RBFOX2: variants seen among roughly 807,000 people sequenced by gnomAD.
RBFOX2 encodes the protein RNA binding protein fox-1 homolog 2.
A neutral mutation model predicts 49.1 loss-of-function variants in RBFOX2; 10 were observed. The observed-to-expected ratio is 0.20, with a 90% CI of 0.13 to 0.35. The LOEUF (loss-of-function observed/expected upper bound fraction) is 0.35. RBFOX2 is among the 10% of genes least tolerant of loss of function. The pLI, the probability that RBFOX2 is intolerant of heterozygous loss-of-function variation, is 1.00. For synonymous variants in RBFOX2, 183 were observed against 187.4 expected, an observed-to-expected ratio of 0.98 and a Z score of 0.19; for missense variants, 323 against 486.9, an observed-to-expected ratio of 0.66 and a Z score of 3.17.
intron 1 of RBFOX2, among the ~76,000 whole-genome samples, chr22:35,819,275 G>A (rs1953907981): frequency 6.6e-6 from 1 of 152,014 alleles, no homozygotes; most frequent in African/African-American, 2.4e-5. Flanking sequence ...CTCTGCCAGG[G>A]ACCTTACCAC....
chr22:35,808,294 T>C (rs190276249), intron 2 of RBFOX2, among the ~76,000 whole-genome samples: 1 of 152,298 alleles, frequency 6.6e-6, no homozygotes, highest in Admixed American at 6.5e-5. Flanking sequence ...AAATTATCTA[T>C]TGTAGCCAAT....
rs2146286636 is a variant in RBFOX2, at chr22:35,759,658, T to C, written c.887+230A>G. Among the ~76,000 whole-genome samples the C allele has an allele frequency of 6.6e-6, 1 of 152,338 alleles. No homozygotes were observed. The highest frequency in any genetic ancestry group is 1.9e-4 in the East Asian group (1 of 5,192). On this transcript the variant is annotated intron_variant, in intron 9 of 11. Transcript: ENST00000405409. This position sits in a 1 kb window ranked among gnomAD's most constrained non-coding sequence, Gnocchi z 4.6. ...TGGCTACTGTCTTAAGCCATTACCA[T>C]GAGGGCTTAAGGTGGCCAAAATGAA...
At chr22:35,954,053 G>C (rs895813102) in intron 1 of RBFOX2, among the ~76,000 whole-genome samples, 1 of 151,956 alleles carries the variant, frequency 6.6e-6, no homozygotes, top group Non-Finnish European at 1.5e-5. Flanking sequence ...TCATATTCAG[G>C]CATATATAAC....
intron 1 of RBFOX2, among the ~76,000 whole-genome samples, chr22:35,928,010 C>T (rs138574729): frequency 5.9e-5 from 9 of 152,152 alleles, no homozygotes; most frequent in Non-Finnish European, 2.9e-5. Flanking sequence ...GCCTCTTTTC[C>T]ATAAAATAAA....
chr22:35,765,415 T>C lies in RBFOX2; in HGVS notation c.607+8A>G, dbSNP rs1294287577. ...ATAAACACTCTTTCGAAGATTATAA[T>C]TTCTTACCATTTGCATATGGTGTGA... is the stretch of plus-strand genomic sequence containing the variant. On this transcript the variant is annotated splice_region_variant and intron_variant, in intron 6 of 11. Coordinates refer to ENST00000405409, the Ensembl canonical transcript of RBFOX2. 5.3e-6 allele frequency: 8 copies of C among 1,500,100 alleles called. No homozygotes were observed. Among genetic ancestry groups the C allele is most frequent in the Non-Finnish European group, 7.4e-6 (8 of 1,086,566 alleles). The allele number at this position is 1,500,100 out of a possible 1,614,324, so 92.9% of individuals were successfully genotyped here.
At chr22:35,845,905 T>C (rs887484997) in intron 1 of RBFOX2, among the ~76,000 whole-genome samples, 3 of 152,098 alleles carry the variant, frequency 2.0e-5, no homozygotes, top group Non-Finnish European at 4.4e-5. Context: ...GTGTCTGGCA[T>C]AGTATCTGGC....
At chr22:35,901,585 T>A (rs137984117) in intron 1 of RBFOX2, among the ~76,000 whole-genome samples, 354 of 152,340 alleles carry the variant, frequency 2.3e-3, no homozygotes, top group African/African-American at 8.2e-3. Context: ...CTACTACTGA[T>A]GTCATTCAGA....
chr22:35,813,247 A>G (rs1023864026), intron 1 of RBFOX2, among the ~76,000 whole-genome samples: 38 of 152,354 alleles, frequency 2.5e-4, no homozygotes, highest in African/African-American at 8.2e-4. Flanking sequence ...CATTATTAAA[A>G]ATGTCAAATG....
intron 1 of RBFOX2, among the ~76,000 whole-genome samples, chr22:35,884,392 G>A (rs1034713666): frequency 6.6e-6 from 1 of 152,144 alleles, no homozygotes; most frequent in Non-Finnish European, 1.5e-5. Context: ...ATCCAGCTGG[G>A]TAAGCTAAGT....
intron 1 of RBFOX2, among the ~76,000 whole-genome samples, chr22:35,910,888 C>T (rs756258883): frequency 6.6e-6 from 1 of 152,222 alleles, no homozygotes; most frequent in African/African-American, 2.4e-5. Flanking sequence ...ACATGCCAAA[C>T]TCTATAAACT....
chr22:35,908,405 C>T (rs558194211), intron 1 of RBFOX2, among the ~76,000 whole-genome samples: 1 of 152,292 alleles, frequency 6.6e-6, no homozygotes, highest in African/African-American at 2.4e-5. Flanking sequence ...TAAACATGCT[C>T]AGAACACTTA....
At chr22:35,998,273 A>G (rs992883496) in intron 1 of RBFOX2, 3 of 152,168 alleles carry the variant, frequency 2.0e-5, no homozygotes, top group Admixed American at 1.3e-4. Context: ...CTGAGTTTGT[A>G]TATCATCTAA....
chr22:35,884,157 C>T (rs540940370), intron 1 of RBFOX2, among the ~76,000 whole-genome samples: 5 of 151,962 alleles, frequency 3.3e-5, no homozygotes, highest in African/African-American at 1.2e-4. Context: ...CCACCTTGCC[C>T]AGCTAATTTT....
chr22:35,836,635 A>G (rs1464141000), intron 1 of RBFOX2, among the ~76,000 whole-genome samples: 1 of 152,250 alleles, frequency 6.6e-6, no homozygotes, highest in Non-Finnish European at 1.5e-5. Flanking sequence ...AATGCCAGCA[A>G]AGCACTGAGC....
chr22:36,019,123 G>A (rs1431869402), intron 1 of RBFOX2, among the ~76,000 whole-genome samples: 1 of 152,120 alleles, frequency 6.6e-6, no homozygotes, highest in Non-Finnish European at 1.5e-5. Flanking sequence ...TGCCTTCCAT[G>A]TACCACTAAA....
At chr22:35,893,115 A>G (rs1208829833) in intron 1 of RBFOX2, among the ~76,000 whole-genome samples, 1 of 152,248 alleles carries the variant, frequency 6.6e-6, no homozygotes, top group African/African-American at 2.4e-5. Flanking sequence ...CCAAGCCTTC[A>G]GGTGTCATGG....
At chr22:35,768,344 G>A (rs577472929) in exon 5 of RBFOX2, 8 of 1,613,636 alleles carry the variant, frequency 5.0e-6, no homozygotes, top group Admixed American at 3.3e-5. Context: ...TTACGAACCC[G>A]AATCCCTGCA....
In RBFOX2 at chr22:35,759,562, T is replaced by C. The variant is rs1937996152; in HGVS notation, c.887+326A>G. Among the ~76,000 whole-genome samples, 2 of 152,274 alleles carry C rather than the reference T, an allele frequency of 1.3e-5. No homozygotes were observed. Among genetic ancestry groups the C allele is most frequent in the Admixed American group, 1.3e-4 (2 of 15,298 alleles). On this transcript the variant is annotated intron_variant, in intron 9 of 11. Transcript: ENST00000405409. This position sits in a 1 kb window ranked among gnomAD's most constrained non-coding sequence, Gnocchi z 4.6. Reference sequence around the variant, plus strand: ...CTCCTCTTTTGGTTCTCTGCAGTAATGTTAATCCATATTCGTGCGCTTCTG... The same window carrying C: ...CTCCTCTTTTGGTTCTCTGCAGTAACGTTAATCCATATTCGTGCGCTTCTG...
chr22:35,953,209 T>TC (rs1385039353), intron 1 of RBFOX2, among the ~76,000 whole-genome samples: 2 of 39,496 alleles, frequency 5.1e-5, no homozygotes, highest in African/African-American at 2.2e-4. Flanking sequence ...GGACTCCATC[T>TC]CAAAAAAAAA....
Sources: allele counts gnomAD v4.1 joint callset (sites outside exome capture counted in the v4.1 genomes callset), GRCh38; gene constraint gnomAD v4.1.1; non-coding constraint Gnocchi (gnomAD v3.1); transcripts MANE v1.5; gene names NCBI Gene and HGNC (gene_info 2026-07-23, HGNC 2026-07-21).